MARS1: variants seen among roughly 807,000 people sequenced by gnomAD.
The protein encoded by MARS1 is methionine--tRNA ligase, cytoplasmic.
Under a neutral mutation model 119.5 loss-of-function variants are expected in MARS1, and 80 were observed. The ratio of observed to expected loss-of-function variants is 0.67; its 90% CI spans 0.56 to 0.81. The LOEUF (loss-of-function observed/expected upper bound fraction) is 0.81. Among genes scored for constraint, MARS1 ranks in the 30% least tolerant of loss-of-function variants. The pLI, the probability that MARS1 is intolerant of heterozygous loss-of-function variation, is 0.00. For synonymous variants in MARS1, 418 were observed against 433.4 expected (o/e 0.96, Z 0.44); for missense variants, 945 against 1,116.5 (o/e 0.85, Z 2.19).
rs1875858570 is a variant in MARS1 at position 57,490,555 on chromosome 12, C to T, written c.681C>T (p.Thr227=). The change falls in exon 7 of 21, where the codon ACC becomes ACT. Residue 227 remains threonine (T), a synonymous_variant. Transcript: ENST00000262027. The part of the protein sequence containing the change: ...TNEPEEEELA[T]LSEEEIAMAV... ...CTTTATAGGAGGAGGAGCTGGCTAC[C>T]CTATCTGAGGAGGAGATTGCTATGG... The T allele has an allele frequency of 1.2e-6, 2 of 1,614,106 alleles. No individual in the cohort carries two copies. Among genetic ancestry groups the T allele is most frequent in the East Asian group, 2.2e-5 (1 of 44,876 alleles).
intron 7 of MARS1, among the ~76,000 whole-genome samples, chr12:57,496,295 C>G (rs1351647290): frequency 6.6e-6 from 1 of 151,402 alleles, no homozygotes; most frequent in Non-Finnish European, 1.5e-5. Flanking sequence ...CCCCGAGTAG[C>G]TGGGATTACA....
Position 57,491,781 on chromosome 12 carries a change from G to A in MARS1, c.770+1137G>A, listed in dbSNP as rs534205028. Among the ~76,000 whole-genome samples, 16 of 152,046 alleles carry A rather than the reference G, an allele frequency of 1.1e-4. No individual in the cohort carries two copies. In the South Asian group the frequency reaches 1.5e-3, roughly 14 times the overall value. On this transcript the variant is annotated intron_variant, in intron 7 of 20. Transcript: ENST00000262027. The stretch of plus-strand genomic sequence containing the variant: ...TATTTATACATACGCAGTTTTTTCC[G>A]TCAAAATGAAATTATTTACAGTTCT...
At chr12:57,488,351 C>A (rs996918356) in intron 1 of MARS1, 152 bp downstream of exon 1, 3 of 753,222 alleles carry the variant, frequency 4.0e-6, no homozygotes, top group Admixed American at 2.7e-5. Context: ...ACGCCTTCTT[C>A]CCTCCCAGTC....
intron 11 of MARS1, among the ~76,000 whole-genome samples, chr12:57,508,261 C>T (rs1246418684): frequency 6.6e-6 from 1 of 152,238 alleles, no homozygotes; most frequent in Admixed American, 6.5e-5. Context: ...GACTGGGTGG[C>T]GGCACGGCAG....
Position 57,514,726 on chromosome 12 carries a change from G to C in MARS1, c.1974G>C (p.Gly658=). ...NNLGNFINRA[G]MFVSKFFGGY... ...TTTCCTACTCCCAACCAAGAGCTGG[G>C]ATGTTTGTGTCTAAGTTCTTTGGGG... The change falls in exon 16 of 21, where the codon GGG becomes GGC. Residue 658 remains glycine, a synonymous_variant. Transcript: ENST00000262027. 1.2e-6 allele frequency: 2 copies of C among 1,614,104 alleles called. No individual in the cohort carries two copies. Among genetic ancestry groups the C allele is most frequent in the South Asian group, 1.1e-5 (1 of 91,082 alleles).
At position 57,498,220 on chromosome 12, in the gene MARS1, C is replaced by T. The variant is rs1373887661; in HGVS notation, c.834C>T (p.Val278=). The T allele has an allele frequency of 6.2e-6, 10 of 1,614,080 alleles. No homozygotes were observed. The highest frequency in any genetic ancestry group is 6.8e-6 in the Non-Finnish European group (8 of 1,180,040). ...ITSALPYVNN[V]PHLGNIIGCV... ...GTGCCCTCCCTTACGTCAACAATGT[C>T]CCCCACCTTGGGAACATCATTGGTT... Residue 278 remains valine (V), a synonymous_variant, in exon 8 of 21, where the codon GTC becomes GTT. Coordinates refer to ENST00000262027, the MANE Select transcript of MARS1 (RefSeq NM_004990.4).
rs1386676870 is a variant in MARS1, at chr12:57,490,530, CTT to C, written c.664-6_664-5del. 4 of 1,613,438 alleles carry C rather than the reference CTT, an allele frequency of 2.5e-6. No homozygotes were observed. Among genetic ancestry groups the C allele is most frequent in the Admixed American group, 1.7e-5 (1 of 59,988 alleles). ...CACCTGGTAAGGGATTCTCTCCACTCTTTATAGGAGGAGGAGCTGGCTACCCT... is the reference window on the plus strand; with the variant it reads ...CACCTGGTAAGGGATTCTCTCCACTCTATAGGAGGAGGAGCTGGCTACCCT... On this transcript the variant is annotated splice_region_variant and splice_polypyrimidine_tract_variant and intron_variant, in intron 6 of 20. Coordinates refer to ENST00000262027, the MANE Select transcript of MARS1 (RefSeq NM_004990.4).
intron 15 of MARS1, among the ~76,000 whole-genome samples, chr12:57,513,477 G>C (rs1877620958): frequency 6.6e-6 from 1 of 151,964 alleles, no homozygotes; most frequent in Admixed American, 6.6e-5. Context: ...AGCCAGGCGT[G>C]GTGGCGCACA....
chr12:57,516,418 A>AC lies in MARS1; in HGVS notation c.2557-11dup, dbSNP rs780366144. On this transcript the variant is annotated splice_polypyrimidine_tract_variant and intron_variant, in intron 20 of 20. Transcript: ENST00000262027. Reference sequence around the variant, plus strand: ...TTTCTTGCCTCACTGTTACCTCCCCACCCCCCTTTATCTTAGGGAAACATT... The same window carrying AC: ...TTTCTTGCCTCACTGTTACCTCCCCACCCCCCCTTTATCTTAGGGAAACATT... 6.2e-7 allele frequency: 1 copy of AC among 1,611,338 alleles called. No individual in the cohort carries two copies. The highest frequency in any genetic ancestry group is 1.7e-5 in the Admixed American group (1 of 59,782).
At chr12:57,490,500 C>G in intron 6 of MARS1, 38 bp from the exon 7 acceptor site, 1 of 1,611,510 alleles carries the variant, frequency 6.2e-7, no homozygotes. Flanking sequence ...CCTGTGGGCC[C>G]TCCTCACCTG....
At chr12:57,488,776 C>A in intron 1 of MARS1, 1 of 963,476 alleles carries the variant, frequency 1.0e-6, no homozygotes, top group Non-Finnish European at 1.6e-6. Context: ...TATCCCAATA[C>A]CACCACCTCC....
intron 1 of MARS1, 44 bp from the exon 2 acceptor site, chr12:57,488,975 C>A (rs746450746): frequency 1.4e-6 from 2 of 1,396,926 alleles, no homozygotes; most frequent in Non-Finnish European, 1.0e-6. Flanking sequence ...TATTTCTTTT[C>A]TTTTCCTTTT....
chr12:57,516,422 C>A lies in MARS1; in HGVS notation c.2557-13C>A, dbSNP rs781643044. The A allele has an allele frequency of 1.2e-5, 20 of 1,613,012 alleles. No individual in the cohort carries two copies. In the East Asian group the frequency reaches 3.3e-4, roughly 27 times the overall value. ...TTGCCTCACTGTTACCTCCCCACCC[C>A]CCTTTATCTTAGGGAAACATTGTCC... On this transcript the variant is annotated splice_polypyrimidine_tract_variant and intron_variant, in intron 20 of 20. Transcript: ENST00000262027.
At chr12:57,493,885 A>AT (rs1359145824) in intron 7 of MARS1, among the ~76,000 whole-genome samples, 4 of 48,600 alleles carry the variant, frequency 8.2e-5, no homozygotes, top group African/African-American at 3.0e-4. Flanking sequence ...TATAATATAT[A>AT]ATATATATTT....
Position 57,489,329 on chromosome 12 carries a change from A to T in MARS1, c.263A>T (p.Glu88Val), listed in dbSNP as rs768615486. The T allele has an allele frequency of 1.2e-6, 2 of 1,613,794 alleles. No individual in the cohort carries two copies. Among genetic ancestry groups the T allele is most frequent in the Non-Finnish European group, 1.7e-6 (2 of 1,180,012 alleles). ...DDLTNQWLEW[E>V]ATELQPALSA... is the part of the protein sequence containing the mutation. ...CTCACTAACCAGTGGCTGGAATGGG[A>T]AGCGACAGAGCTGCAGGTAGGACTA... Residue 88 changes from glutamate to valine, a missense_variant, in exon 3 of 21, where the codon GAA (glutamate) becomes GTA (valine). Physicochemically the swap from Glu to Val is moderately radical, Grantham distance 121. Coordinates refer to ENST00000262027, the MANE Select transcript of MARS1 (RefSeq NM_004990.4).
At chr12:57,502,076 G>A (rs1232032503) in intron 10 of MARS1, among the ~76,000 whole-genome samples, 1 of 152,184 alleles carries the variant, frequency 6.6e-6, no homozygotes, top group Non-Finnish European at 1.5e-5. Context: ...GCTTGCACTA[G>A]GTTAGTAGCA....
At chr12:57,496,229 T>C (rs553156340) in intron 7 of MARS1, among the ~76,000 whole-genome samples, 2 of 147,948 alleles carry the variant, frequency 1.4e-5, no homozygotes, top group East Asian at 4.0e-4. Flanking sequence ...AGTGGCGCAA[T>C]CTAGGCTCAC....
chr12:57,495,213 GC>G lies in MARS1; in HGVS notation c.771-2943del, dbSNP rs909912814. On this transcript the variant is annotated intron_variant, in intron 7 of 20. Transcript: ENST00000262027. ...CCGGATGGGGCGGCTGGCCAGGCGGGCGCTGCCCCCCACCTTCCTCCCGGAC... is the reference window on the plus strand; with the variant it reads ...CCGGATGGGGCGGCTGGCCAGGCGGGGCTGCCCCCCACCTTCCTCCCGGAC... Among the ~76,000 whole-genome samples the G allele has an allele frequency of 7.3e-4, 110 of 150,848 alleles. 1 individual carries two copies. Among genetic ancestry groups the G allele is most frequent in the African/African-American group, 2.6e-3 (106 of 41,144 alleles).
chr12:57,516,273 T>C lies in MARS1; in HGVS notation c.2492T>C (p.Val831Ala). Reference sequence around the variant, plus strand: ...AAAACGTCCCCGAAGCCAGCAGTTGTAGAGACTGTTACAACAGCCAAGCCA... The same window carrying C: ...AAAACGTCCCCGAAGCCAGCAGTTGCAGAGACTGTTACAACAGCCAAGCCA... ...QAKTSPKPAVVETVTTAKPQQ... is the reference protein window; with the variant it reads ...QAKTSPKPAVAETVTTAKPQQ... Residue 831 changes from valine to alanine, a missense_variant, in exon 20 of 21, where the codon GTA (valine) becomes GCA (alanine). Physicochemically the swap from Val to Ala is moderately conservative, Grantham distance 64. Transcript: ENST00000262027. 6.2e-7 allele frequency: 1 copy of C among 1,614,184 alleles called. No individual in the cohort carries two copies. Among genetic ancestry groups the C allele is most frequent in the Non-Finnish European group, 8.5e-7 (1 of 1,180,026 alleles).
Sources: gnomAD v4.1 joint callset for allele counts (sites outside exome capture counted in the v4.1 genomes callset) on GRCh38, gnomAD v4.1.1 for gene constraint, MANE v1.5 for transcripts, NCBI Gene and HGNC (gene_info 2026-07-23, HGNC 2026-07-21) for gene names.